COBL: variants seen among roughly 807,000 people sequenced by gnomAD.
COBL encodes the protein protein cordon-bleu.
A neutral mutation model predicts 98.8 loss-of-function variants in COBL; 51 were observed. The observed-to-expected ratio is 0.52, with a 90% CI of 0.41 to 0.65. The LOEUF (loss-of-function observed/expected upper bound fraction) is 0.65. Ranked by LOEUF, COBL falls within the 30% of genes least tolerant of loss-of-function variation. COBL has a pLI of 0.00. For missense variants in COBL, 1,617 were observed against 1,617.5 expected, an observed-to-expected ratio of 1.00 and a Z score of 0.01; for synonymous variants, 634 against 651.7, an observed-to-expected ratio of 0.97 and a Z score of 0.41.
At chr7:51,214,675 A>G (rs1584200474) in intron 2 of COBL, among the ~76,000 whole-genome samples, 1 of 152,222 alleles carries the variant, frequency 6.6e-6, no homozygotes, top group African/African-American at 2.4e-5. Flanking sequence ...GGCCCCTGAC[A>G]TAGCCCAGTT....
Position 51,217,340 on chromosome 7 carries a change from CT to C in COBL, c.245+2400del, listed in dbSNP as rs937958755. 3.6e-3 allele frequency among the ~76,000 whole-genome samples: 465 copies of C among 127,712 alleles called. 2 individuals are homozygous for C. The highest frequency in any genetic ancestry group is 9.9e-3 in the African/African-American group (324 of 32,864). 83.8% of individuals were successfully genotyped at this position (127,712 alleles called of 152,430 possible). A position where few individuals can be genotyped will look rare whatever the true frequency, so the allele number is the denominator to read the frequency against. On this transcript the variant is annotated intron_variant, in intron 2 of 12. Coordinates refer to ENST00000265136, the MANE Select transcript of COBL (RefSeq NM_015198.5). ...CACAATGCCATTTTCTTTTCTTTTT[CT>C]TTTTTTTTTTTTTTTTTGAGATGGA...
At chr7:51,047,296 A>T (rs1029170226) in intron 7 of COBL, among the ~76,000 whole-genome samples, 1 of 152,170 alleles carries the variant, frequency 6.6e-6, no homozygotes, top group African/African-American at 2.4e-5. Context: ...AGGAATATTA[A>T]CCCTTCTATT....
intron 5 of COBL, among the ~76,000 whole-genome samples, chr7:51,167,697 C>T (rs1477469139): frequency 6.6e-6 from 1 of 152,038 alleles, no homozygotes; most frequent in Non-Finnish European, 1.5e-5. Context: ...ATTATTATAA[C>T]CAAAACAGCA....
At chr7:51,107,048 T>C (rs1796347259) in intron 6 of COBL, among the ~76,000 whole-genome samples, 1 of 149,970 alleles carries the variant, frequency 6.7e-6, no homozygotes, top group African/African-American at 2.4e-5. Flanking sequence ...TACATATCCC[T>C]CACCTCAAAT....
Position 51,227,217 on chromosome 7 carries a change from T to C in COBL, c.42-7273A>G, listed in dbSNP as rs536203622. ...GCCCCCTTTACTCTGATGTGGGGTC[T>C]GGACAAGCCTTATTTGCAAACTGAG... On this transcript the variant is annotated intron_variant, in intron 1 of 12. Coordinates refer to ENST00000265136, the MANE Select transcript of COBL (RefSeq NM_015198.5). Among the ~76,000 whole-genome samples the C allele has an allele frequency of 4.6e-5, 7 of 152,322 alleles. No homozygotes were observed. In the East Asian group the frequency reaches 1.4e-3, roughly 29 times the overall value.
intron 6 of COBL, among the ~76,000 whole-genome samples, chr7:51,126,697 G>A (rs999595753): frequency 2.0e-5 from 3 of 152,124 alleles, no homozygotes; most frequent in Non-Finnish European, 2.9e-5. Context: ...GACCCTGAGA[G>A]TCTGAGTCAC....
At chr7:51,125,399 T>C (rs1161276985) in intron 6 of COBL, among the ~76,000 whole-genome samples, 1 of 152,180 alleles carries the variant, frequency 6.6e-6, no homozygotes, top group Non-Finnish European at 1.5e-5. Context: ...TCCAGGACTG[T>C]GAGAAATAAA....
chr7:51,187,310 G>GTATATATATATATA (rs67807746), intron 4 of COBL, among the ~76,000 whole-genome samples: 10 of 138,426 alleles, frequency 7.2e-5, no homozygotes, highest in Admixed American at 1.5e-4. Flanking sequence ...ATATGTTTAA[G>GTATATATATATATA]TATATATATA....
intron 12 of COBL, among the ~76,000 whole-genome samples, chr7:51,022,013 C>T (rs970072903): frequency 2.0e-5 from 3 of 152,174 alleles, no homozygotes; most frequent in South Asian, 4.1e-4. Context: ...GCAGGTCGAT[C>T]ACCCAATTCC....
At chr7:51,205,840 T>TTA (rs1791646272) in intron 2 of COBL, among the ~76,000 whole-genome samples, 1 of 152,038 alleles carries the variant, frequency 6.6e-6, no homozygotes, top group Non-Finnish European at 1.5e-5. Context: ...ATATCCAAAA[T>TTA]AGATAAAGAA....
At chr7:51,307,499 A>G (rs1298308454) in intron 1 of COBL, among the ~76,000 whole-genome samples, 1 of 152,246 alleles carries the variant, frequency 6.6e-6, no homozygotes, top group Non-Finnish European at 1.5e-5. Flanking sequence ...AGACAATGGC[A>G]ACAGGCAAGT....
chr7:51,173,682 T>C (rs1026066566), intron 5 of COBL, among the ~76,000 whole-genome samples: 1 of 152,228 alleles, frequency 6.6e-6, no homozygotes, highest in Admixed American at 6.5e-5. Flanking sequence ...TTTGGGTACA[T>C]GACCCAACAA....
intron 7 of COBL, among the ~76,000 whole-genome samples, chr7:51,059,562 G>C (rs989374827): frequency 2.0e-5 from 3 of 151,782 alleles, no homozygotes; most frequent in Admixed American, 1.3e-4. Context: ...GGGAGAAGGG[G>C]GGGCCTGAAA....
At chr7:51,049,415 T>C (rs867909852) in intron 7 of COBL, among the ~76,000 whole-genome samples, 1 of 152,200 alleles carries the variant, frequency 6.6e-6, no homozygotes, top group Middle Eastern at 3.4e-3. Context: ...CACAGGTGAG[T>C]TCTCAGGCAC....
chr7:51,260,496 AAC>A (rs1797617846), intron 1 of COBL, among the ~76,000 whole-genome samples: 1 of 152,232 alleles, frequency 6.6e-6, no homozygotes, highest in East Asian at 1.9e-4. Flanking sequence ...ACTGGTAGGA[AAC>A]ACAGATAAAC....
intron 5 of COBL, among the ~76,000 whole-genome samples, chr7:51,153,167 A>G (rs1189055634): frequency 6.6e-6 from 1 of 152,236 alleles, no homozygotes; most frequent in African/African-American, 2.4e-5. Flanking sequence ...TCCGGTGAGA[A>G]GCTCATAGCA....
At chr7:51,282,563 TA>T (rs1799903546) in intron 1 of COBL, among the ~76,000 whole-genome samples, 1 of 152,086 alleles carries the variant, frequency 6.6e-6, no homozygotes, top group Non-Finnish European at 1.5e-5. Context: ...AGCTTTGAAA[TA>T]GATACAACAA....
At chr7:51,162,690 T>A (rs188514638) in intron 5 of COBL, among the ~76,000 whole-genome samples, 2 of 152,326 alleles carry the variant, frequency 1.3e-5, no homozygotes, top group East Asian at 3.9e-4. Flanking sequence ...TAATTTCTAA[T>A]CGCTACAATG....
At chr7:51,078,227 T>C (rs112237678) in intron 7 of COBL, among the ~76,000 whole-genome samples, 12,866 of 152,236 alleles carry the variant, frequency 0.085, 776 homozygotes, top group South Asian at 0.12. Context: ...CAATGAAATA[T>C]GAGAGGAACT....
Sources: gnomAD v4.1 joint callset for allele counts (sites outside exome capture counted in the v4.1 genomes callset) on GRCh38, gnomAD v4.1.1 for gene constraint, MANE v1.5 for transcripts, NCBI Gene and HGNC (gene_info 2026-07-23, HGNC 2026-07-21) for gene names.